DCLK1: variants seen among roughly 807,000 people sequenced by gnomAD.
DCLK1 encodes the protein doublecortin like kinase 1, also known as serine/threonine-protein kinase DCLK1.
DCLK1 carries 16 observed loss-of-function variants against 86.2 expected under a neutral mutation model. That is an observed-to-expected ratio of 0.19 (90% CI 0.13 to 0.28). The LOEUF is 0.28. DCLK1 is among the 10% of genes least tolerant of loss of function. DCLK1 has a pLI of 1.00. For missense variants in DCLK1, 590 were observed against 940.2 expected (o/e 0.63, Z 4.87); for synonymous variants, 369 against 370.5 (o/e 1.00, Z 0.05).
At chr13:35,780,342 A>G (rs2086504423) in intron 16 of DCLK1, among the ~76,000 whole-genome samples, 1 of 152,218 alleles carries the variant, frequency 6.6e-6, no homozygotes. Context: ...TGGAACCTAC[A>G]TGAATAGGCT....
At chr13:35,911,757 T>C (rs556262268) in intron 4 of DCLK1, among the ~76,000 whole-genome samples, 2 of 152,304 alleles carry the variant, frequency 1.3e-5, no homozygotes, top group South Asian at 4.1e-4. Flanking sequence ...TTTAGGACTT[T>C]AGTGGTCAGT....
At chr13:35,819,329 A>G (rs1345921357) in intron 11 of DCLK1, among the ~76,000 whole-genome samples, 1 of 152,180 alleles carries the variant, frequency 6.6e-6, no homozygotes, top group Non-Finnish European at 1.5e-5. Context: ...ACCAAACACT[A>G]GAGTTAAATA....
rs1001655866 is a variant in DCLK1, at chr13:36,067,514, T to A, written c.723+44355A>T. ...CATGGCACATGTATACATATGTAACTAACCTGCACATTGTGCACATGTACC... is the reference window on the plus strand; with the variant it reads ...CATGGCACATGTATACATATGTAACAAACCTGCACATTGTGCACATGTACC... On this transcript the variant is annotated intron_variant, in intron 3 of 16. Coordinates refer to ENST00000360631, the MANE Select transcript of DCLK1 (RefSeq NM_001330071.2). Among the ~76,000 whole-genome samples the A allele has an allele frequency of 5.3e-5, 8 of 150,500 alleles. No homozygotes were observed. The South Asian group carries it at 1.1e-3, about 20-fold the overall frequency.
chr13:35,774,409 T>G lies in DCLK1; in HGVS notation c.*126A>C, dbSNP rs182194897. On this transcript the variant is annotated 3_prime_UTR_variant, in exon 17 of 17. Coordinates refer to ENST00000360631, the MANE Select transcript of DCLK1 (RefSeq NM_001330071.2). Reference sequence around the variant, plus strand: ...CCGCTACAAAGATACCTGAAAACACTTTCAGTTCTGCCATTCAAGCATTGA... The same window carrying G: ...CCGCTACAAAGATACCTGAAAACACGTTCAGTTCTGCCATTCAAGCATTGA... 5.8e-4 allele frequency: 680 copies of G among 1,165,090 alleles called. 1 individual carries two copies. In the African/African-American group the frequency reaches 9.6e-3, roughly 17 times the overall value. 72.2% of individuals were successfully genotyped at this position (1,165,090 alleles called of 1,614,324 possible). A position where few individuals can be genotyped will look rare whatever the true frequency, so the allele number is the denominator to read the frequency against.
At chr13:35,870,110 T>A (rs889540833) in intron 5 of DCLK1, among the ~76,000 whole-genome samples, 1 of 152,140 alleles carries the variant, frequency 6.6e-6, no homozygotes, top group Non-Finnish European at 1.5e-5. Context: ...ACAAGATGCA[T>A]CTCAAGTGCC....
intron 1 of DCLK1, among the ~76,000 whole-genome samples, chr13:36,128,618 G>A (rs1164384197): frequency 6.6e-6 from 1 of 152,128 alleles, no homozygotes; most frequent in African/African-American, 2.4e-5. Flanking sequence ...TGAAGGTCTG[G>A]GGAGGGAGAA....
chr13:35,910,515 TC>T (rs1874953945), intron 4 of DCLK1, among the ~76,000 whole-genome samples: 1 of 152,236 alleles, frequency 6.6e-6, no homozygotes, highest in Non-Finnish European at 1.5e-5. Flanking sequence ...TCCTTTTCCT[TC>T]CTATGCTGGA....
chr13:36,026,699 C>T (rs892424326), intron 3 of DCLK1, among the ~76,000 whole-genome samples: 1 of 152,096 alleles, frequency 6.6e-6, no homozygotes, highest in Non-Finnish European at 1.5e-5. Context: ...TTTTGGCAAA[C>T]GTTTTTGCAT....
intron 4 of DCLK1, among the ~76,000 whole-genome samples, chr13:35,931,611 G>A (rs1593743720): frequency 6.6e-6 from 1 of 152,160 alleles, no homozygotes; most frequent in Non-Finnish European, 1.5e-5. Flanking sequence ...CCATTTTAGG[G>A]AGGATATTGC....
intron 3 of DCLK1, among the ~76,000 whole-genome samples, chr13:35,978,549 C>T (rs1379795885): frequency 3.3e-5 from 5 of 152,000 alleles, no homozygotes; most frequent in Non-Finnish European, 7.4e-5. Flanking sequence ...ATGTAGTACT[C>T]TTATAATATT....
At chr13:35,781,753 T>G (rs971607031) in intron 16 of DCLK1, among the ~76,000 whole-genome samples, 1 of 152,246 alleles carries the variant, frequency 6.6e-6, no homozygotes, top group African/African-American at 2.4e-5. Context: ...CCTAGGAGAC[T>G]GAACTGGGGA....
At chr13:35,999,422 G>A (rs1195798792) in intron 3 of DCLK1, among the ~76,000 whole-genome samples, 1 of 152,204 alleles carries the variant, frequency 6.6e-6, no homozygotes, top group Non-Finnish European at 1.5e-5. Flanking sequence ...GGCACACTGT[G>A]TTTCTTGAGA....
chr13:35,808,389 T>A (rs112986303), intron 13 of DCLK1, 69 bp from the exon 14 acceptor site: 32 of 1,313,110 alleles, frequency 2.4e-5, no homozygotes, highest in African/African-American at 2.2e-4. Flanking sequence ...CTTTTCAGTC[T>A]TAGGCACTGG....
At chr13:35,774,818 A>T in intron 16 of DCLK1, 119 bp from the exon 17 acceptor site, 1 of 1,150,460 alleles carries the variant, frequency 8.7e-7, no homozygotes, top group Non-Finnish European at 1.2e-6. Context: ...CCTGTCCATC[A>T]TGGCACACTT....
intron 3 of DCLK1, among the ~76,000 whole-genome samples, chr13:36,014,677 TC>T (rs1881458604): frequency 6.6e-6 from 1 of 152,172 alleles, no homozygotes; most frequent in African/African-American, 2.4e-5. Context: ...CAATTCTCTA[TC>T]TTTTTCTAGT....
rs185015034 is a variant in DCLK1, at chr13:36,078,816, T to C, written c.723+33053A>G. Among the ~76,000 whole-genome samples, 909 of 152,332 alleles carry C rather than the reference T, an allele frequency of 6.0e-3. 9 individuals carry two copies. Among genetic ancestry groups the C allele is most frequent in the African/African-American group, 0.021 (856 of 41,582 alleles). On this transcript the variant is annotated intron_variant, in intron 3 of 16. Coordinates refer to ENST00000360631, the MANE Select transcript of DCLK1 (RefSeq NM_001330071.2). ...TTTACACTTCCAATTTTACGTAATG[T>C]GAATCATTTCCTACAAAAAAAATAG...
intron 6 of DCLK1, among the ~76,000 whole-genome samples, chr13:35,851,366 A>G (rs1593660894): frequency 6.6e-6 from 1 of 150,606 alleles, no homozygotes; most frequent in Non-Finnish European, 1.5e-5. Flanking sequence ...CTCACTCATC[A>G]CCTCCTCTCT....
intron 3 of DCLK1, among the ~76,000 whole-genome samples, chr13:36,025,889 T>C (rs1190364905): frequency 6.6e-6 from 1 of 151,962 alleles, no homozygotes; most frequent in Non-Finnish European, 1.5e-5. Flanking sequence ...CAGAGGTAAA[T>C]TGCAAAGTGC....
At chr13:36,062,802 T>C (rs1883602730) in intron 3 of DCLK1, among the ~76,000 whole-genome samples, 1 of 152,118 alleles carries the variant, frequency 6.6e-6, no homozygotes, top group African/African-American at 2.4e-5. Context: ...CTACCTTAAA[T>C]AAACATTGAA....
Sources: gnomAD v4.1 joint callset for allele counts (sites outside exome capture counted in the v4.1 genomes callset) on GRCh38, gnomAD v4.1.1 for gene constraint, MANE v1.5 for transcripts, NCBI Gene and HGNC (gene_info 2026-07-23, HGNC 2026-07-21) for gene names.